Variants in SEMA4D observed in about 807,000 individuals in gnomAD.
SEMA4D encodes semaphorin 4D, also known as semaphorin-4D.
SEMA4D carries 22 observed loss-of-function variants against 74.8 expected under a neutral mutation model. The observed-to-expected ratio is 0.29, with a 90% confidence interval of 0.21 to 0.42. The LOEUF is 0.42. Among genes scored for constraint, SEMA4D ranks in the 10% least tolerant of loss-of-function variants. SEMA4D has a pLI of 1.00. For missense variants in SEMA4D, 937 were observed against 1,118.4 expected (o/e 0.84, Z 2.31); for synonymous variants, 445 against 463.7 (o/e 0.96, Z 0.52).
intron 1 of SEMA4D, among the ~76,000 whole-genome samples, chr9:89,478,644 A>T (rs1862360881): frequency 6.6e-6 from 1 of 152,164 alleles, no homozygotes; most frequent in African/African-American, 2.4e-5. Flanking sequence ...TACACAGACT[A>T]TGAAAATGTG....
chr9:89,450,685 A>AAAAAAAAAAAAAAAAAAAAAC, intron 2 of SEMA4D: 1 of 988,658 alleles, frequency 1.0e-6, no homozygotes, highest in Non-Finnish European at 1.5e-6. Context: ...AAAAAAAAAA[A>AAAAAAAAAAAAAAAAAAAAAC]AAGGCCTCCA....
At position 89,454,656 on chromosome 9, in the gene SEMA4D, G is replaced by A. The variant is rs183486113; in HGVS notation, c.-244+1232C>T. 1.9e-3 allele frequency among the ~76,000 whole-genome samples: 292 copies of A among 152,386 alleles called. 2 individuals carry two copies. Among genetic ancestry groups the A allele is most frequent in the African/African-American group, 6.4e-3 (267 of 41,596 alleles). On this transcript the variant is annotated intron_variant, in intron 2 of 15. Transcript: ENST00000422704. ...ACCGAGGGCACTTCCCACACCCAGT[G>A]AGAGTGTCAAACCGCAGTGGGTGTC...
chr9:89,472,035 C>T (rs4876984), intron 1 of SEMA4D, among the ~76,000 whole-genome samples: 1 of 152,026 alleles, frequency 6.6e-6, no homozygotes, highest in Non-Finnish European at 1.5e-5. Flanking sequence ...CATGCCAGCT[C>T]GGGTGCATGC....
At chr9:89,404,112 T>C (rs1842764641) in intron 3 of SEMA4D, among the ~76,000 whole-genome samples, 1 of 152,032 alleles carries the variant, frequency 6.6e-6, no homozygotes, top group African/African-American at 2.4e-5. Context: ...CTCAATCCAC[T>C]GAGTCAGAAA....
chr9:89,453,021 G>A (rs562811913), intron 2 of SEMA4D, among the ~76,000 whole-genome samples: 33 of 152,336 alleles, frequency 2.2e-4, no homozygotes, highest in Middle Eastern at 6.8e-3. Flanking sequence ...ACATGCAGAA[G>A]TAATTACCTC....
chr9:89,458,680 GA>G (rs1856534763), intron 1 of SEMA4D, among the ~76,000 whole-genome samples: 1 of 151,552 alleles, frequency 6.6e-6, no homozygotes, highest in Non-Finnish European at 1.5e-5. Flanking sequence ...AACCTACAGA[GA>G]CACACATACA....
chr9:89,378,643 C>T lies in SEMA4D; in HGVS notation c.*61G>A. On this transcript the variant is annotated 3_prime_UTR_variant, in exon 16 of 16. Transcript: ENST00000422704. The stretch of plus-strand genomic sequence containing the variant: ...ACTCGGATACTGAACAGGAGAAACA[C>T]AAAACTCTCCACGCCTGGACACGTC... 2.2e-6 allele frequency: 3 copies of T among 1,361,052 alleles called. No individual in the cohort carries two copies. The highest frequency in any genetic ancestry group is 1.3e-5 in the South Asian group (1 of 79,924). 84.3% of individuals were successfully genotyped at this position (1,361,052 alleles called of 1,614,324 possible).
chr9:89,368,981 G>C (rs150024798), intron 16 of SEMA4D: 55 of 152,320 alleles, frequency 3.6e-4, no homozygotes, highest in African/African-American at 1.3e-3. Context: ...GTAAAGGCAC[G>C]TGGAATTATC....
chr9:89,388,201 C>G (rs1838973493), intron 11 of SEMA4D, among the ~76,000 whole-genome samples: 1 of 152,142 alleles, frequency 6.6e-6, no homozygotes, highest in African/African-American at 2.4e-5. Flanking sequence ...TGTGCACATG[C>G]CTGTCACACC....
intron 2 of SEMA4D, among the ~76,000 whole-genome samples, chr9:89,429,598 TTTC>T (rs1245319558): frequency 1.3e-5 from 2 of 152,124 alleles, no homozygotes; most frequent in Non-Finnish European, 2.9e-5. Flanking sequence ...TTCAAATCGG[TTTC>T]TTAACAGAAT....
At chr9:89,393,693 C>A (rs369768408) in intron 6 of SEMA4D, 38 bp from the exon 7 acceptor site, 103 of 1,474,046 alleles carry the variant, frequency 7.0e-5, no homozygotes, top group Non-Finnish European at 9.1e-5. Context: ...CATCAGATGG[C>A]TGAATTTCTA....
chr9:89,432,181 A>C (rs1441726480), intron 2 of SEMA4D, among the ~76,000 whole-genome samples: 2 of 152,266 alleles, frequency 1.3e-5, no homozygotes, highest in Non-Finnish European at 2.9e-5. Context: ...CATAAGACAG[A>C]GTTGGCCACA....
chr9:89,378,957 T>C lies in SEMA4D; in HGVS notation c.2336A>G (p.Lys779Arg), dbSNP rs1448121469. 1.2e-6 allele frequency: 2 copies of C among 1,614,174 alleles called. No homozygotes were observed. Among genetic ancestry groups the C allele is most frequent in the South Asian group, 2.2e-5 (2 of 91,084 alleles). The change falls in exon 16 of 16, where the codon AAG becomes AGG. Residue 779 changes from lysine (K) to arginine (R), a missense_variant. By Grantham distance (26) the Lys-to-Arg change is conservative (BLOSUM62 2). Transcript: ENST00000422704. ...CTGCTCACGGTCACAGAAATCTGAC[T>C]TGGGCTTCTTCTTCCCAATTAGTAG... is the stretch of plus-strand genomic sequence containing the variant. ...SALLIGKKKP[K>R]SDFCDREQSL... is the part of the protein sequence containing the mutation.
intron 8 of SEMA4D, 120 bp from the exon 9 acceptor site, chr9:89,391,535 C>T (rs1000467608): frequency 2.2e-6 from 2 of 915,586 alleles, no homozygotes; most frequent in Admixed American, 4.4e-5. Context: ...GCAAGGATGT[C>T]TGGAGTGTGC....
chr9:89,442,618 A>G (rs1178580832), intron 2 of SEMA4D, among the ~76,000 whole-genome samples: 2 of 152,150 alleles, frequency 1.3e-5, no homozygotes, highest in East Asian at 3.9e-4. Context: ...GTAAAAATGG[A>G]AAAGACAATG....
At chr9:89,374,093 G>A (rs1835471045), downstream of SEMA4D, among the ~76,000 whole-genome samples, 1 of 152,240 alleles carries the variant, frequency 6.6e-6, no homozygotes, top group Non-Finnish European at 1.5e-5. Context: ...GGCCTCAGTG[G>A]AACAAGTGAA....
At chr9:89,477,664 T>C (rs1465941715) in intron 1 of SEMA4D, among the ~76,000 whole-genome samples, 1 of 152,224 alleles carries the variant, frequency 6.6e-6, no homozygotes, top group African/African-American at 2.4e-5. Context: ...CATGCACGCA[T>C]GTGTGTGCAT....
At chr9:89,454,912 C>T (rs557178835) in intron 2 of SEMA4D, among the ~76,000 whole-genome samples, 5 of 152,364 alleles carry the variant, frequency 3.3e-5, no homozygotes, top group Admixed American at 3.3e-4. Context: ...CCCCGCCCCT[C>T]GAGGAAGCTG....
intron 2 of SEMA4D, chr9:89,449,442 G>A: frequency 1.6e-6 from 1 of 617,642 alleles, no homozygotes. Flanking sequence ...TAAGTTCGCG[G>A]CTTTCGCTGG....
Sources: allele counts gnomAD v4.1 joint callset (sites outside exome capture counted in the v4.1 genomes callset), GRCh38; gene constraint gnomAD v4.1.1; transcripts MANE v1.5; gene names NCBI Gene and HGNC (gene_info 2026-07-23, HGNC 2026-07-21).